Variants in TRHDE observed in about 807,000 individuals in gnomAD.
TRHDE encodes thyrotropin releasing hormone degrading enzyme, also known as thyrotropin-releasing hormone-degrading ectoenzyme.
A neutral mutation model predicts 125.7 loss-of-function variants in TRHDE; 72 were observed. The ratio of observed to expected loss-of-function variants is 0.57; its 90% CI spans 0.47 to 0.70. TRHDE has a LOEUF of 0.70. TRHDE is among the 30% of genes least tolerant of loss of function. The probability of loss-of-function intolerance (pLI) is 0.00; values close to 1 mark genes in which losing one functional copy is unlikely to be tolerated. For synonymous variants in TRHDE, 509 were observed against 509.1 expected (o/e 1.00, Z 0.00); for missense variants, 1,110 against 1,327.1 (o/e 0.84, Z 2.54).
chr12:72,414,658 G>T (rs1468402089), intron 3 of TRHDE, among the ~76,000 whole-genome samples: 1 of 152,034 alleles, frequency 6.6e-6, no homozygotes, highest in Non-Finnish European at 1.5e-5. Context: ...ACTAGAGGTG[G>T]CTAGCTGTAA....
chr12:72,513,013 C>T (rs1043102936), intron 6 of TRHDE, among the ~76,000 whole-genome samples: 1 of 151,898 alleles, frequency 6.6e-6, no homozygotes, highest in East Asian at 1.9e-4. Context: ...TCAGCATAAC[C>T]ACACACCAAT....
At chr12:72,561,692 A>G (rs566297741) in intron 7 of TRHDE, among the ~76,000 whole-genome samples, 17 of 152,208 alleles carry the variant, frequency 1.1e-4, no homozygotes, top group Non-Finnish European at 2.2e-4. Flanking sequence ...CAGAGAGACC[A>G]TTGAAATGGA....
intron 6 of TRHDE, among the ~76,000 whole-genome samples, chr12:72,519,052 A>G (rs553981245): frequency 2.0e-5 from 3 of 152,114 alleles, no homozygotes; most frequent in African/African-American, 4.8e-5. Flanking sequence ...TGGGTAACCC[A>G]ACCTTTCCCT....
At chr12:72,174,140 T>C (rs1383110180) in intron 2 of TRHDE, among the ~76,000 whole-genome samples, 2 of 152,216 alleles carry the variant, frequency 1.3e-5, no homozygotes, top group Non-Finnish European at 2.9e-5. Context: ...GGCATGTGTC[T>C]GCCACCACGT....
At chr12:72,502,481 T>C (rs1878197136) in intron 6 of TRHDE, among the ~76,000 whole-genome samples, 1 of 152,150 alleles carries the variant, frequency 6.6e-6, no homozygotes, top group Non-Finnish European at 1.5e-5. Flanking sequence ...TTTCTGTTAT[T>C]CATTTCTTAT....
intron 2 of TRHDE, among the ~76,000 whole-genome samples, chr12:72,153,265 C>A (rs555084337): frequency 1.3e-5 from 2 of 151,910 alleles, no homozygotes; most frequent in East Asian, 3.9e-4. Context: ...TTTTTAATTG[C>A]GCCTATTTGA....
chr12:72,660,849 A>G (rs955038820), intron 18 of TRHDE, among the ~76,000 whole-genome samples: 1 of 152,160 alleles, frequency 6.6e-6, no homozygotes, highest in Non-Finnish European at 1.5e-5. Context: ...GAAATAAGCA[A>G]ACTAGAATGC....
chr12:72,466,163 T>C (rs995049050), intron 3 of TRHDE, among the ~76,000 whole-genome samples: 14 of 152,196 alleles, frequency 9.2e-5, no homozygotes, highest in African/African-American at 3.4e-4. Context: ...TTCCACACCA[T>C]ATCTGCTTAT....
At chr12:72,152,607 G>A (rs919274958) in intron 2 of TRHDE, among the ~76,000 whole-genome samples, 1 of 152,138 alleles carries the variant, frequency 6.6e-6, no homozygotes, top group African/African-American at 2.4e-5. Flanking sequence ...TTAGCATGAA[G>A]GTTGTTGAAA....
At chr12:72,489,437 T>G (rs898862039) in intron 5 of TRHDE, among the ~76,000 whole-genome samples, 10 of 151,856 alleles carry the variant, frequency 6.6e-5, no homozygotes, top group African/African-American at 2.4e-4. Flanking sequence ...ATGTACAGAT[T>G]CAACATGATT....
chr12:72,461,266 G>A (rs1048134835), intron 3 of TRHDE, among the ~76,000 whole-genome samples: 21 of 152,130 alleles, frequency 1.4e-4, no homozygotes, highest in African/African-American at 5.1e-4. Flanking sequence ...AGCTTTGAAG[G>A]ACTGACTCCT....
intron 2 of TRHDE, among the ~76,000 whole-genome samples, chr12:72,195,929 C>T (rs1000376008): frequency 2.6e-4 from 40 of 152,080 alleles, no homozygotes; most frequent in African/African-American, 8.5e-4. Flanking sequence ...GGTCCAGTTT[C>T]GTTCTTCTGC....
intron 15 of TRHDE, among the ~76,000 whole-genome samples, chr12:72,622,748 T>C (rs1290953781): frequency 6.6e-6 from 1 of 152,068 alleles, no homozygotes; most frequent in Admixed American, 6.6e-5. Flanking sequence ...AGATTTAATA[T>C]CTAACTGACT....
At chr12:72,375,384 A>G (rs553764238) in intron 2 of TRHDE, among the ~76,000 whole-genome samples, 86 of 152,312 alleles carry the variant, frequency 5.6e-4, no homozygotes, top group African/African-American at 2.0e-3. Flanking sequence ...TATATGTTTT[A>G]TCTTCTTGCT....
At chr12:72,207,511 T>G (rs1420192862) in intron 2 of TRHDE, among the ~76,000 whole-genome samples, 1 of 152,158 alleles carries the variant, frequency 6.6e-6, no homozygotes, top group African/African-American at 2.4e-5. Context: ...GGACAGCAAC[T>G]TTAGTATATG....
intron 12 of TRHDE, among the ~76,000 whole-genome samples, chr12:72,608,422 A>G (rs1320825219): frequency 6.6e-6 from 1 of 152,206 alleles, no homozygotes; most frequent in Non-Finnish European, 1.5e-5. Context: ...TGTCAACAAT[A>G]CTTCTGAAAG....
intron 3 of TRHDE, among the ~76,000 whole-genome samples, chr12:72,416,062 T>G (rs1180544041): frequency 1.3e-5 from 2 of 152,010 alleles, no homozygotes; most frequent in African/African-American, 4.8e-5. Context: ...CCTGTTTTTT[T>G]GATAAATTTG....
At chr12:72,208,995 C>T (rs1050077879) in intron 2 of TRHDE, among the ~76,000 whole-genome samples, 2 of 152,100 alleles carry the variant, frequency 1.3e-5, no homozygotes, top group African/African-American at 4.8e-5. Flanking sequence ...TGCCTTTCTG[C>T]GGCTCCGAGC....
chr12:72,220,845 T>G (rs918043638), intron 2 of TRHDE, among the ~76,000 whole-genome samples: 2 of 152,146 alleles, frequency 1.3e-5, no homozygotes, highest in African/African-American at 4.8e-5. Context: ...ATATTTTTGA[T>G]GTGGGTTTTT....
Sources: gnomAD v4.1 joint callset for allele counts (sites outside exome capture counted in the v4.1 genomes callset) on GRCh38, gnomAD v4.1.1 for gene constraint, MANE v1.5 for transcripts, NCBI Gene and HGNC (gene_info 2026-07-23, HGNC 2026-07-21) for gene names.